UNC80: variants seen among roughly 807,000 people sequenced by gnomAD.
UNC80 encodes protein unc-80 homolog.
UNC80 carries 164 observed loss-of-function variants against 384.6 expected under a neutral mutation model. The ratio of observed to expected loss-of-function variants is 0.43; its 90% CI spans 0.38 to 0.49. The LOEUF (loss-of-function observed/expected upper bound fraction) is 0.49, where lower values mean the gene tolerates loss of function less well. Among genes scored for constraint, UNC80 ranks in the 20% least tolerant of loss-of-function variants. The pLI is 0.00. For missense variants in UNC80, 3,330 were observed against 4,143.0 expected, an observed-to-expected ratio of 0.80 and a Z score of 5.39; for synonymous variants, 1,486 against 1,527.8, an observed-to-expected ratio of 0.97 and a Z score of 0.64.
chr2:209,992,425 C>A (rs1375473546), intron 62 of UNC80, among the ~76,000 whole-genome samples, 178 bp downstream of exon 62: 7 of 151,858 alleles, frequency 4.6e-5, no homozygotes, highest in Admixed American at 4.6e-4. Context: ...GCCTGGGCAA[C>A]ATAGTAAGAC....
chr2:209,777,190 C>A, intron 3 of UNC80, 68 bp from the exon 4 acceptor site: 1 of 1,456,520 alleles, frequency 6.9e-7, no homozygotes, highest in Non-Finnish European at 9.3e-7. Context: ...TTCCCAGACC[C>A]ATTGTTGACA....
At chr2:209,980,560 G>C (rs536349981) in intron 59 of UNC80, among the ~76,000 whole-genome samples, 47 of 152,284 alleles carry the variant, frequency 3.1e-4, no homozygotes, top group African/African-American at 9.6e-4. Context: ...TGGGTGTGTA[G>C]TAATTTAAAT....
chr2:209,834,923 G>A lies in UNC80; in HGVS notation c.2954G>A (p.Gly985Glu). The change falls in exon 18 of 65, where the codon GGA becomes GAA. Residue 985 changes from glycine (G) to glutamate (E), a missense_variant. By Grantham distance (98) the Gly-to-Glu change is moderately conservative (BLOSUM62 -2). This residue lies in a region of UNC80 where 801 missense variants were observed against 950.8 expected (regional missense o/e 0.84). Coordinates refer to ENST00000673920, the MANE Select transcript of UNC80 (RefSeq NM_001371986.1). ...CACCATTTGCATAGGTCAGAGGCGGGAAGCATTGTGGATAAAGGCCAGGTA... is the reference window on the plus strand; with the variant it reads ...CACCATTTGCATAGGTCAGAGGCGGAAAGCATTGTGGATAAAGGCCAGGTA... ...KPAGSKRSEA[G>E]SIVDKGQVSS... The A allele has an allele frequency of 1.3e-6, 2 of 1,550,174 alleles. No homozygotes were observed. The highest frequency in any genetic ancestry group is 1.7e-6 in the Non-Finnish European group (2 of 1,145,916).
At chr2:209,837,817 G>A (rs1242352860) in intron 18 of UNC80, among the ~76,000 whole-genome samples, 2 of 150,880 alleles carry the variant, frequency 1.3e-5, no homozygotes, top group Admixed American at 1.3e-4. Flanking sequence ...TTTCGCCCAG[G>A]CCAGAGTGCA....
intron 32 of UNC80, among the ~76,000 whole-genome samples, chr2:209,918,304 T>G (rs1251338722): frequency 6.6e-6 from 1 of 152,158 alleles, no homozygotes; most frequent in African/African-American, 2.4e-5. Context: ...TAGAGATCAT[T>G]TGATTGAAAG....
rs1294058940 is a variant in UNC80 at position 209,969,900 on chromosome 2, C to T, written c.8130+9C>T. The T allele has an allele frequency of 6.4e-7, 1 of 1,551,126 alleles. No homozygotes were observed. The highest frequency in any genetic ancestry group is 1.4e-5 in the African/African-American group (1 of 73,030). ...ATGTCTGTGTCAATCTGGTGAGTAGCCAAGTGGCAATCTTATGAAACTTTG... is the reference window on the plus strand; with the variant it reads ...ATGTCTGTGTCAATCTGGTGAGTAGTCAAGTGGCAATCTTATGAAACTTTG... On this transcript the variant is annotated intron_variant, in intron 53 of 64. Transcript: ENST00000673920.
At chr2:209,787,354 T>C (rs1203879001) in intron 5 of UNC80, among the ~76,000 whole-genome samples, 1 of 152,192 alleles carries the variant, frequency 6.6e-6, no homozygotes, top group Non-Finnish European at 1.5e-5. Context: ...ATGTAATAGT[T>C]AAAGCACAGA....
At chr2:209,785,474 T>G (rs2077372392) in intron 4 of UNC80, among the ~76,000 whole-genome samples, 4 of 152,178 alleles carry the variant, frequency 2.6e-5, no homozygotes, top group Admixed American at 2.6e-4. Context: ...AACATTGTGA[T>G]GATGCTCGGG....
At chr2:209,889,008 A>G (rs1404638546) in intron 26 of UNC80, among the ~76,000 whole-genome samples, 1 of 152,224 alleles carries the variant, frequency 6.6e-6, no homozygotes, top group African/African-American at 2.4e-5. Context: ...TCATCAATTA[A>G]TAAAGCACTA....
At position 209,905,070 on chromosome 2, in the gene UNC80, C is replaced by G. The variant is rs908771500; in HGVS notation, c.4782+105C>G. On this transcript the variant is annotated intron_variant, in intron 29 of 64. Coordinates refer to ENST00000673920, the MANE Select transcript of UNC80 (RefSeq NM_001371986.1). ...TTCAAGCAAATGCAATTGTAACAAT[C>G]AGGTCTGTGTGCATCTAAACATAAG... 2.1e-5 allele frequency: 25 copies of G among 1,213,586 alleles called. No homozygotes were observed. In the Admixed American group the frequency reaches 4.2e-4, roughly 21 times the overall value. 75.2% of individuals were successfully genotyped at this position (1,213,586 alleles called of 1,614,324 possible).
intron 29 of UNC80, among the ~76,000 whole-genome samples, chr2:209,908,686 A>G (rs1424747697): frequency 2.0e-5 from 3 of 152,246 alleles, no homozygotes. Flanking sequence ...TGCAAATGTC[A>G]AGAGGTCAAC....
In UNC80 at chr2:209,800,605, G is replaced by A. The variant is rs541241079; in HGVS notation, c.938+6746G>A. ...ATTTCTTGTCTTCTGCTAGCTTTTG[G>A]ATTAGTTTATTCTTGCCTTTCTAGC... On this transcript the variant is annotated intron_variant, in intron 7 of 64. Transcript: ENST00000673920. Among the ~76,000 whole-genome samples the A allele has an allele frequency of 2.8e-3, 418 of 151,708 alleles. 3 individuals are homozygous for A. Among genetic ancestry groups the A allele is most frequent in the African/African-American group, 9.8e-3 (404 of 41,404 alleles).
chr2:209,917,701 G>A, intron 31 of UNC80, 76 bp from the exon 32 acceptor site: 1 of 1,496,236 alleles, frequency 6.7e-7, no homozygotes, highest in Non-Finnish European at 9.0e-7. Flanking sequence ...GATAGAAGCA[G>A]TTTCCACTTC....
intron 13 of UNC80, among the ~76,000 whole-genome samples, chr2:209,825,382 A>G (rs985695423): frequency 3.9e-5 from 6 of 152,154 alleles, no homozygotes; most frequent in Non-Finnish European, 8.8e-5. Context: ...GTATATTCTC[A>G]CCTTGTTTGT....
At chr2:209,844,688 C>G (rs897728502) in intron 21 of UNC80, among the ~76,000 whole-genome samples, 1 of 151,614 alleles carries the variant, frequency 6.6e-6, no homozygotes, top group Non-Finnish European at 1.5e-5. Context: ...CTCCCAGGCT[C>G]AAATGATCGT....
At position 209,929,394 on chromosome 2, in the gene UNC80, A is replaced by G. The variant is rs561193284; in HGVS notation, c.5807-477A>G. Among the ~76,000 whole-genome samples the G allele has an allele frequency of 3.3e-5, 5 of 152,288 alleles. No homozygotes were observed. The East Asian group carries it at 9.6e-4, about 29-fold the overall frequency. On this transcript the variant is annotated intron_variant, in intron 36 of 64. Coordinates refer to ENST00000673920, the MANE Select transcript of UNC80 (RefSeq NM_001371986.1). ...GAACCTAATTGTTACTGGCTCAACT[A>G]CTTTATCTTGCTGAAGGAGATACTG...
At chr2:209,955,197 T>C (rs1037288673) in intron 48 of UNC80, among the ~76,000 whole-genome samples, 3 of 152,042 alleles carry the variant, frequency 2.0e-5, no homozygotes, top group Admixed American at 6.6e-5. Context: ...AGATCCTTAG[T>C]GTGAAATTGT....
chr2:209,843,330 T>A (rs1451881690), intron 21 of UNC80, among the ~76,000 whole-genome samples: 1 of 152,222 alleles, frequency 6.6e-6, no homozygotes, highest in East Asian at 1.9e-4. Context: ...ATCACATAAT[T>A]GGTTTGTATT....
chr2:209,926,027 C>A (rs115267339), intron 35 of UNC80, among the ~76,000 whole-genome samples: 1 of 152,122 alleles, frequency 6.6e-6, no homozygotes, highest in East Asian at 1.9e-4. Flanking sequence ...CTAAATCTAA[C>A]CTTTTTCCTT....
Sources: allele counts gnomAD v4.1 joint callset (sites outside exome capture counted in the v4.1 genomes callset), GRCh38; gene constraint gnomAD v4.1.1; regional missense constraint gnomAD v4.1.1; transcripts MANE v1.5; gene names NCBI Gene and HGNC (gene_info 2026-07-23, HGNC 2026-07-21).